The following ZBTB17 variants were observed in gnomAD, a reference collection of about 807,000 sequenced individuals.
ZBTB17 encodes the protein zinc finger and BTB domain containing 17, also known as zinc finger and BTB domain-containing protein 17.
In ZBTB17, 24 loss-of-function variants were observed where a neutral mutation model predicts 85.1. The ratio of observed to expected loss-of-function variants is 0.28; its 90% CI spans 0.20 to 0.40. ZBTB17 has a LOEUF of 0.40. Among genes scored for constraint, ZBTB17 ranks in the 10% least tolerant of loss-of-function variants. The pLI, the probability that ZBTB17 is intolerant of heterozygous loss-of-function variation, is 1.00. For missense variants in ZBTB17, 743 were observed against 1,105.1 expected (o/e 0.67, Z 4.65); for synonymous variants, 464 against 460.2 (o/e 1.01, Z -0.11).
chr1:15,971,126 A>C (rs2072633800), intron 2 of ZBTB17, among the ~76,000 whole-genome samples: 1 of 152,132 alleles, frequency 6.6e-6, no homozygotes, highest in Non-Finnish European at 1.5e-5. Flanking sequence ...CAGTGTTCAC[A>C]ACTTCCTTGT....
intron 4 of ZBTB17, 91 bp from the exon 5 acceptor site, chr1:15,946,385 C>G: frequency 6.5e-7 from 1 of 1,544,226 alleles, no homozygotes; most frequent in South Asian, 1.2e-5. Context: ...AGGTCTTCCT[C>G]GTCCTCCCTA....
intron 9 of ZBTB17, 176 bp from the exon 10 acceptor site, chr1:15,944,071 C>A: frequency 1.0e-6 from 1 of 966,832 alleles, no homozygotes; most frequent in South Asian, 1.4e-5. Flanking sequence ...TAAGCCGCCC[C>A]ACCCCATTTT....
intron 2 of ZBTB17, among the ~76,000 whole-genome samples, chr1:15,957,178 CAA>C (rs34574727): frequency 2.2e-4 from 19 of 87,332 alleles, no homozygotes; most frequent in Non-Finnish European, 1.4e-4. Flanking sequence ...GACTCCATCT[CAA>C]AAAAAAAAAA....
chr1:15,947,247 G>A (rs898292740), intron 3 of ZBTB17, 124 bp from the exon 4 acceptor site: 11 of 992,714 alleles, frequency 1.1e-5, no homozygotes, highest in Middle Eastern at 2.2e-4. Context: ...AGCCTGCATC[G>A]CCCCATCTCC....
chr1:15,948,542 G>A (rs970591428), intron 2 of ZBTB17, 45 bp from the exon 3 acceptor site: 39 of 1,579,522 alleles, frequency 2.5e-5, no homozygotes, highest in Middle Eastern at 1.7e-4. Flanking sequence ...GAGAAAGGAC[G>A]TCAGACACGC....
In ZBTB17 at chr1:15,946,998, G is replaced by A. The variant is rs748688390; in HGVS notation, c.331C>T (p.Leu111Phe). 5 of 1,614,102 alleles carry A rather than the reference G, an allele frequency of 3.1e-6. No individual in the cohort carries two copies. Among genetic ancestry groups the A allele is most frequent in the African/African-American group, 1.3e-5 (1 of 75,064 alleles). ...MQDIITACHA[L>F]KSLAEPATSP... ...GTAGCCGGCTCAGCAAGTGACTTGA[G>A]GGCATGGCAGGCCGTGATGATGTCC... The change falls in exon 4 of 16, where the codon CTC becomes TTC. Residue 111 changes from leucine to phenylalanine, a missense_variant. Transcript: ENST00000375743.
intron 2 of ZBTB17, among the ~76,000 whole-genome samples, chr1:15,956,242 A>T (rs1043909974): frequency 3.9e-5 from 6 of 152,118 alleles, no homozygotes; most frequent in Non-Finnish European, 5.9e-5. Flanking sequence ...ACAGTGTGTC[A>T]CCTCCTCTCT....
At chr1:15,975,369 G>T (rs976730918) in intron 1 of ZBTB17, among the ~76,000 whole-genome samples, 1 of 152,180 alleles carries the variant, frequency 6.6e-6, no homozygotes, top group African/African-American at 2.4e-5. Flanking sequence ...TTCAAACCCC[G>T]CTGCTGGGCT....
chr1:15,945,574 G>A, intron 6 of ZBTB17, 141 bp downstream of exon 6: 4 of 1,235,262 alleles, frequency 3.2e-6, no homozygotes, highest in Middle Eastern at 2.8e-4. Context: ...CGAAGACCAA[G>A]GTGTCCCAAA....
In ZBTB17 at chr1:15,973,445, A is replaced by T. The variant is rs996333540; in HGVS notation, c.-89-320T>A. 3.3e-5 allele frequency among the ~76,000 whole-genome samples: 5 copies of T among 152,180 alleles called. No homozygotes were observed. Among genetic ancestry groups the T allele is most frequent in the Admixed American group, 2.6e-4 (4 of 15,280 alleles). On this transcript the variant is annotated intron_variant, in intron 1 of 15. Transcript: ENST00000375743. This position sits in a 1 kb window ranked among gnomAD's most constrained non-coding sequence, Gnocchi z 4.1. ...ACTGCAGCATTGGCACTGCTCTGGG[A>T]TATCCTGGACACTTTGTTTCTCATT... is the stretch of plus-strand genomic sequence containing the variant.
intron 5 of ZBTB17, 51 bp from the exon 6 acceptor site, chr1:15,945,891 C>T (rs569738241): frequency 1.0e-4 from 160 of 1,567,026 alleles, no homozygotes; most frequent in Non-Finnish European, 1.3e-4. Flanking sequence ...GCCCAGGGGT[C>T]GGATACCTCT....
In ZBTB17 at chr1:15,942,617, C is replaced by G; in HGVS notation, c.1950G>C (p.Glu650Asp). ...KAGIKILEPEEGSEVSVVTVD... is the reference protein window; with the variant it reads ...KAGIKILEPEDGSEVSVVTVD... ...CAGTGACCACGCTGACCTCACTGCC[C>G]TCCTCGGGCTCCAGGATCTTGATGC... is the stretch of plus-strand genomic sequence containing the variant. The change falls in exon 14 of 16, where the codon GAG becomes GAC. Residue 650 changes from glutamate to aspartate, a missense_variant. By Grantham distance (45) the Glu-to-Asp change is conservative. Around this residue, in one of 4 missense-constraint regions of ZBTB17, gnomAD observed 321 missense variants for 615.7 expected, o/e 0.52. Transcript: ENST00000375743. The G allele has an allele frequency of 6.2e-7, 1 of 1,613,490 alleles. No homozygotes were observed. Among genetic ancestry groups the G allele is most frequent in the Non-Finnish European group, 8.5e-7 (1 of 1,180,048 alleles).
At position 15,971,160 on chromosome 1, in the gene ZBTB17, T is replaced by C. The variant is rs547047095; in HGVS notation, c.-3+1879A>G. Among the ~76,000 whole-genome samples, 15 of 152,150 alleles carry C rather than the reference T, an allele frequency of 9.9e-5. No homozygotes were observed. In the South Asian group the frequency reaches 1.0e-3, roughly 11 times the overall value. ...GTAATAGTATGAGCCTTTGGCACCA[T>C]TACTGCACCAAGAAGCCAATAGATC... On this transcript the variant is annotated intron_variant, in intron 2 of 15. Transcript: ENST00000375743.
intron 14 of ZBTB17, 45 bp downstream of exon 14, chr1:15,942,484 G>A (rs2071403967): frequency 1.2e-6 from 2 of 1,610,064 alleles, no homozygotes; most frequent in Non-Finnish European, 1.7e-6. Context: ...CGCCACCCTG[G>A]CAGCAAGCTG....
chr1:15,951,597 G>C lies in ZBTB17; in HGVS notation c.-2-3100C>G, dbSNP rs2071844697. On this transcript the variant is annotated intron_variant, in intron 2 of 15. Coordinates refer to ENST00000375743, the MANE Select transcript of ZBTB17 (RefSeq NM_003443.3). The surrounding 1 kb of genome is among the most constrained non-coding windows in gnomAD (Gnocchi z 4.1). The stretch of plus-strand genomic sequence containing the variant: ...TTTAACAGCCCCTCTCTCAAGGCCC[G>C]TGGCGAGACGGAGGCATGGCCGGCT... Among the ~76,000 whole-genome samples, 1 of 152,140 alleles carries C rather than the reference G, an allele frequency of 6.6e-6. No individual in the cohort carries two copies. The highest frequency in any genetic ancestry group is 6.5e-5 in the Admixed American group (1 of 15,286).
rs1233814066 is a variant in ZBTB17, at chr1:15,947,068, C to T, written c.261G>A (p.Glu87=). ...MYTAKLSLSP[E]NVDDVLAVAT... Reference sequence around the variant, plus strand: ...CCACGGCCAGCACATCATCCACGTTCTCAGGGCTCAGGCTCAGCTTGGCCG... The same window carrying T: ...CCACGGCCAGCACATCATCCACGTTTTCAGGGCTCAGGCTCAGCTTGGCCG... The change falls in exon 4 of 16, where the codon GAG becomes GAA. Residue 87 remains glutamate, a synonymous_variant. Transcript: ENST00000375743. The T allele has an allele frequency of 1.2e-6, 2 of 1,613,960 alleles. No individual in the cohort carries two copies. The highest frequency in any genetic ancestry group is 3.3e-5 in the Admixed American group (2 of 60,000).
chr1:15,969,812 C>T (rs1281905461), intron 2 of ZBTB17: 1 of 540,188 alleles, frequency 1.9e-6, no homozygotes, highest in Non-Finnish European at 3.6e-6. Context: ...CCCCAGCTTC[C>T]CCTGGAGTGG....
intron 3 of ZBTB17, 41 bp from the exon 4 acceptor site, chr1:15,947,164 T>G: frequency 1.3e-6 from 2 of 1,566,332 alleles, no homozygotes; most frequent in Non-Finnish European, 1.7e-6. Context: ...CACCTCAAGA[T>G]CCGGCACCGG....
chr1:15,944,220 G>A, intron 9 of ZBTB17, 80 bp downstream of exon 9: 1 of 1,520,302 alleles, frequency 6.6e-7, no homozygotes, highest in Non-Finnish European at 8.9e-7. Flanking sequence ...TGTGCTCCCC[G>A]CCCGCCCCAC....
Sources: allele counts gnomAD v4.1 joint callset (sites outside exome capture counted in the v4.1 genomes callset), GRCh38; gene constraint gnomAD v4.1.1; regional missense constraint gnomAD v4.1.1; non-coding constraint Gnocchi (gnomAD v3.1); transcripts MANE v1.5; gene names NCBI Gene and HGNC (gene_info 2026-07-23, HGNC 2026-07-21).